MACROD2: variants seen among roughly 807,000 people sequenced by gnomAD.
MACROD2 encodes the protein ADP-ribose glycohydrolase MACROD2.
MACROD2 carries 36 observed loss-of-function variants against 70.4 expected under a neutral mutation model. The ratio of observed to expected loss-of-function variants is 0.51; its 90% CI spans 0.39 to 0.68. The LOEUF (loss-of-function observed/expected upper bound fraction) is 0.68. Among genes scored for constraint, MACROD2 ranks in the 30% least tolerant of loss-of-function variants. MACROD2 has a pLI of 0.00. For synonymous variants in MACROD2, 172 were observed against 178.8 expected, an observed-to-expected ratio of 0.96 and a Z score of 0.30; for missense variants, 496 against 538.4, an observed-to-expected ratio of 0.92 and a Z score of 0.78.
chr20:15,742,991 A>G (rs1461557185), intron 8 of MACROD2, among the ~76,000 whole-genome samples: 2 of 152,182 alleles, frequency 1.3e-5, no homozygotes, highest in African/African-American at 2.4e-5. Flanking sequence ...GATATCTTCA[A>G]TCTCTTTCCC....
At chr20:15,124,415 C>T (rs2076052150) in intron 5 of MACROD2, among the ~76,000 whole-genome samples, 1 of 147,070 alleles carries the variant, frequency 6.8e-6, no homozygotes, top group East Asian at 2.0e-4. Flanking sequence ...GAATAAAAGT[C>T]ATTTGGTCAT....
At chr20:15,623,758 CCTAT>C (rs35979102) in intron 8 of MACROD2, among the ~76,000 whole-genome samples, 14,920 of 151,734 alleles carry the variant, frequency 0.098, 792 homozygotes, top group African/African-American at 0.12. Flanking sequence ...CATCTATCTG[CCTAT>C]CTATCTATGT....
intron 1 of MACROD2, among the ~76,000 whole-genome samples, chr20:14,001,737 CTT>C (rs1337923061): frequency 3.3e-5 from 5 of 152,126 alleles, no homozygotes; most frequent in Non-Finnish European, 7.3e-5. Context: ...GGAGCTTTTA[CTT>C]ACGGGGCAAG....
At chr20:14,114,509 T>C (rs988940004) in intron 3 of MACROD2, among the ~76,000 whole-genome samples, 2 of 152,136 alleles carry the variant, frequency 1.3e-5, no homozygotes, top group Non-Finnish European at 2.9e-5. Flanking sequence ...TGTCATCTTC[T>C]CTAGGCATCT....
At chr20:14,619,889 A>G (rs1405106434) in intron 4 of MACROD2, among the ~76,000 whole-genome samples, 1 of 152,162 alleles carries the variant, frequency 6.6e-6, no homozygotes, top group Non-Finnish European at 1.5e-5. Context: ...ATGCTTATTC[A>G]GCCAATAGAG....
At chr20:15,334,812 G>C (rs530863113) in intron 6 of MACROD2, among the ~76,000 whole-genome samples, 1 of 151,656 alleles carries the variant, frequency 6.6e-6, no homozygotes, top group East Asian at 1.9e-4. Context: ...AATTTTCTTA[G>C]CTCATGTTTA....
At chr20:15,112,661 T>C (rs2075963694) in intron 5 of MACROD2, among the ~76,000 whole-genome samples, 1 of 152,202 alleles carries the variant, frequency 6.6e-6, no homozygotes, top group Admixed American at 6.5e-5. Context: ...AAATTTCCCA[T>C]TTTATTCAAT....
intron 8 of MACROD2, among the ~76,000 whole-genome samples, chr20:15,652,942 A>G (rs2049667887): frequency 6.6e-6 from 1 of 152,210 alleles, no homozygotes; most frequent in Non-Finnish European, 1.5e-5. Context: ...TATTACTGCT[A>G]TAATTATTGC....
intron 6 of MACROD2, among the ~76,000 whole-genome samples, chr20:15,235,549 A>C (rs41420948): frequency 1.3e-5 from 2 of 152,104 alleles, no homozygotes; most frequent in African/African-American, 4.8e-5. Context: ...CAATCAAGCA[A>C]TTTTGGAATT....
chr20:15,888,619 G>A (rs558977795), intron 10 of MACROD2, among the ~76,000 whole-genome samples: 10 of 152,182 alleles, frequency 6.6e-5, no homozygotes, highest in African/African-American at 1.7e-4. Context: ...GAGGTTCAGC[G>A]GCATTAATTG....
At chr20:15,502,376 A>C (rs1296930816) in intron 8 of MACROD2, among the ~76,000 whole-genome samples, 1 of 152,186 alleles carries the variant, frequency 6.6e-6, no homozygotes, top group Non-Finnish European at 1.5e-5. Flanking sequence ...ATGTGGTTGA[A>C]GCAGAGAGAC....
chr20:15,656,992 C>T (rs1208631661), intron 8 of MACROD2, among the ~76,000 whole-genome samples: 2 of 151,790 alleles, frequency 1.3e-5, no homozygotes, highest in Non-Finnish European at 2.9e-5. Context: ...ATCTTTGACT[C>T]TTCAATTGCT....
chr20:15,749,563 T>C (rs2051237064), intron 8 of MACROD2, among the ~76,000 whole-genome samples: 1 of 152,090 alleles, frequency 6.6e-6, no homozygotes, highest in South Asian at 2.1e-4. Flanking sequence ...TTGGTATTTG[T>C]CATCTTTCTC....
chr20:15,272,479 G>A (rs2077354518), intron 6 of MACROD2, among the ~76,000 whole-genome samples: 1 of 152,110 alleles, frequency 6.6e-6, no homozygotes, highest in South Asian at 2.1e-4. Flanking sequence ...ATCTTTCTCT[G>A]TCACAAATCA....
chr20:14,675,497 C>T (rs983371140), intron 4 of MACROD2, among the ~76,000 whole-genome samples: 6 of 152,056 alleles, frequency 3.9e-5, no homozygotes, highest in Non-Finnish European at 7.4e-5. Context: ...TACAGACAAG[C>T]GGAGGCTGAG....
chr20:15,997,869 C>T (rs1317201646), intron 15 of MACROD2, among the ~76,000 whole-genome samples: 2 of 152,096 alleles, frequency 1.3e-5, no homozygotes, highest in Non-Finnish European at 2.9e-5. Context: ...ATTCCTCTTA[C>T]ACTCAAATTG....
intron 8 of MACROD2, among the ~76,000 whole-genome samples, chr20:15,800,160 T>C (rs1331260054): frequency 3.3e-5 from 5 of 152,218 alleles, no homozygotes; most frequent in Admixed American, 6.5e-5. Flanking sequence ...GTTGAGTTGT[T>C]TTGAGTTCTT....
At chr20:15,530,995 C>G (rs994691491) in intron 8 of MACROD2, among the ~76,000 whole-genome samples, 2 of 135,310 alleles carry the variant, frequency 1.5e-5, no homozygotes, top group South Asian at 4.5e-4. Context: ...AAAAAAATAA[C>G]TTCGCTTTTT....
chr20:16,018,216 A>G (rs2066955145), intron 15 of MACROD2, among the ~76,000 whole-genome samples: 1 of 152,224 alleles, frequency 6.6e-6, no homozygotes, highest in African/African-American at 2.4e-5. Flanking sequence ...AAGTGCCTAG[A>G]ATTAGCTCCC....
Sources: allele counts gnomAD v4.1 joint callset (sites outside exome capture counted in the v4.1 genomes callset), GRCh38; gene constraint gnomAD v4.1.1; transcripts MANE v1.5; gene names NCBI Gene and HGNC (gene_info 2026-07-23, HGNC 2026-07-21).